Variants in ATP6V1H observed in about 807,000 individuals in gnomAD.
The protein encoded by ATP6V1H is ATPase H+ transporting V1 subunit H, also known as V-type proton ATPase subunit H.
In ATP6V1H, 39 loss-of-function variants were observed where a neutral mutation model predicts 71.7. The ratio of observed to expected loss-of-function variants is 0.54; its 90% CI spans 0.42 to 0.71. The LOEUF (loss-of-function observed/expected upper bound fraction) is 0.71. ATP6V1H is among the 30% of genes least tolerant of loss of function. The pLI is 0.00. For missense variants in ATP6V1H, 509 were observed against 594.9 expected, an observed-to-expected ratio of 0.86 and a Z score of 1.50; for synonymous variants, 192 against 199.3, an observed-to-expected ratio of 0.96 and a Z score of 0.31.
intron 11 of ATP6V1H, among the ~76,000 whole-genome samples, chr8:53,761,022 T>C (rs922087102): frequency 6.6e-6 from 1 of 152,140 alleles, no homozygotes; most frequent in Admixed American, 6.6e-5. Flanking sequence ...TTTCTCATCA[T>C]CATATAAACA....
intron 7 of ATP6V1H, among the ~76,000 whole-genome samples, chr8:53,807,402 C>T (rs571646274): frequency 1.3e-5 from 2 of 151,900 alleles, no homozygotes; most frequent in Non-Finnish European, 2.9e-5. Context: ...GCGTTCGAGA[C>T]CAGCCTGGCC....
chr8:53,795,682 C>G lies in ATP6V1H; in HGVS notation c.835G>C (p.Glu279Gln). 4 of 1,612,958 alleles carry G rather than the reference C, an allele frequency of 2.5e-6. No homozygotes were observed. Among genetic ancestry groups the G allele is most frequent in the Non-Finnish European group, 3.4e-6 (4 of 1,179,808 alleles). ...GCAAGAATGATTCTTGTTACTTTCT[C>G]TTTGACAGACTCCTGAAGGATATCA... ...LSDILQESVK[E>Q]KVTRIILAAF... Residue 279 changes from glutamate (E) to glutamine (Q), a missense_variant, in exon 9 of 14, where the codon GAG (glutamate) becomes CAG (glutamine). This residue lies in a region of ATP6V1H where 212 missense variants were observed against 291.6 expected (regional missense o/e 0.73). Transcript: ENST00000359530.
intron 9 of ATP6V1H, among the ~76,000 whole-genome samples, chr8:53,790,817 T>C (rs1247959410): frequency 2.6e-5 from 4 of 152,186 alleles, no homozygotes; most frequent in Admixed American, 2.6e-4. Context: ...AGCCTAGTTG[T>C]AGTAAAGGAA....
At chr8:53,772,190 G>A (rs1808683807) in intron 9 of ATP6V1H, 23 bp from the exon 10 acceptor site, 1 of 1,570,752 alleles carries the variant, frequency 6.4e-7, no homozygotes, top group Non-Finnish European at 8.7e-7. Flanking sequence ...AAGTGATAGT[G>A]AGAAACTATA....
chr8:53,738,198 G>C (rs1022890492), intron 13 of ATP6V1H, among the ~76,000 whole-genome samples: 8 of 151,948 alleles, frequency 5.3e-5, no homozygotes, highest in African/African-American at 1.9e-4. Flanking sequence ...TTGGGAGGCT[G>C]AGGCAGGAGA....
intron 9 of ATP6V1H, among the ~76,000 whole-genome samples, chr8:53,785,547 A>T (rs975206370): frequency 2.0e-5 from 3 of 152,190 alleles, no homozygotes; most frequent in Non-Finnish European, 4.4e-5. Context: ...TCGTCAAAGT[A>T]ATTCTCCATC....
chr8:53,786,766 T>G (rs1809398307), intron 9 of ATP6V1H, among the ~76,000 whole-genome samples: 1 of 152,256 alleles, frequency 6.6e-6, no homozygotes, highest in Non-Finnish European at 1.5e-5. Flanking sequence ...TTTTTGCCTT[T>G]GGCAAATTAA....
At chr8:53,796,142 C>CT (rs1449240588) in intron 8 of ATP6V1H, among the ~76,000 whole-genome samples, 12 of 152,012 alleles carry the variant, frequency 7.9e-5, no homozygotes, top group Non-Finnish European at 1.8e-4. Flanking sequence ...ATCGGACAGA[C>CT]AATAGAGCCA....
intron 13 of ATP6V1H, among the ~76,000 whole-genome samples, chr8:53,719,484 C>A (rs987463353): frequency 4.6e-5 from 7 of 152,154 alleles, no homozygotes; most frequent in African/African-American, 1.4e-4. Context: ...GCTTGCTCCC[C>A]TGAATGTCGA....
chr8:53,829,323 T>C (rs558935535), intron 4 of ATP6V1H, 121 bp downstream of exon 4: 2 of 639,448 alleles, frequency 3.1e-6, no homozygotes, highest in African/African-American at 3.9e-5. Context: ...ATGAGAAAAA[T>C]ATATTATTAT....
intron 11 of ATP6V1H, among the ~76,000 whole-genome samples, chr8:53,761,317 A>G (rs1387903183): frequency 6.6e-6 from 1 of 151,768 alleles, no homozygotes; most frequent in Admixed American, 6.6e-5. Flanking sequence ...AGCCTGGGCA[A>G]CAGAGCGAGA....
intron 7 of ATP6V1H, among the ~76,000 whole-genome samples, chr8:53,807,633 G>C (rs1428770666): frequency 6.6e-6 from 1 of 152,094 alleles, no homozygotes; most frequent in Non-Finnish European, 1.5e-5. Flanking sequence ...TGGTTGCCAG[G>C]GCTTGGAGGC....
At chr8:53,819,153 C>A (rs1161922570) in intron 4 of ATP6V1H, among the ~76,000 whole-genome samples, 1 of 152,104 alleles carries the variant, frequency 6.6e-6, no homozygotes, top group Non-Finnish European at 1.5e-5. Flanking sequence ...CTGCAGTGAG[C>A]TGTGATCACA....
At chr8:53,739,943 C>T (rs1021773750) in intron 13 of ATP6V1H, among the ~76,000 whole-genome samples, 1 of 152,232 alleles carries the variant, frequency 6.6e-6, no homozygotes, top group African/African-American at 2.4e-5. Context: ...GCTCCTCACC[C>T]ACTCTCAGTC....
intron 11 of ATP6V1H, among the ~76,000 whole-genome samples, chr8:53,758,710 AAG>A (rs1450833702): frequency 5.3e-5 from 8 of 152,218 alleles, no homozygotes. Context: ...TTCGTTATTT[AAG>A]ACTGACATTC....
chr8:53,746,255 T>C (rs1250715745), intron 12 of ATP6V1H, among the ~76,000 whole-genome samples: 1 of 151,820 alleles, frequency 6.6e-6, no homozygotes, highest in Non-Finnish European at 1.5e-5. Context: ...ATTGATATTA[T>C]TATGTTTATT....
At chr8:53,764,394 T>C (rs972439971) in intron 11 of ATP6V1H, among the ~76,000 whole-genome samples, 4 of 152,236 alleles carry the variant, frequency 2.6e-5, no homozygotes, top group African/African-American at 9.6e-5. Context: ...TCAATTAATG[T>C]AGCCCATCAC....
chr8:53,722,588 T>C (rs536573984), intron 13 of ATP6V1H, among the ~76,000 whole-genome samples: 2 of 152,152 alleles, frequency 1.3e-5, no homozygotes, highest in Non-Finnish European at 2.9e-5. Flanking sequence ...TGAGAGCGTA[T>C]GACAGTGGAG....
chr8:53,768,117 G>A (rs973822916), intron 11 of ATP6V1H, among the ~76,000 whole-genome samples: 5 of 152,084 alleles, frequency 3.3e-5, no homozygotes, highest in Non-Finnish European at 5.9e-5. Flanking sequence ...TAAAAAATGA[G>A]CCAAGCATCT....
Sources: gnomAD v4.1 joint callset for allele counts (sites outside exome capture counted in the v4.1 genomes callset) on GRCh38, gnomAD v4.1.1 for gene constraint, gnomAD v4.1.1 regional missense constraint, MANE v1.5 for transcripts, NCBI Gene and HGNC (gene_info 2026-07-23, HGNC 2026-07-21) for gene names.